Variants in CNNM2 observed in about 807,000 individuals in gnomAD.
CNNM2 encodes metal transporter CNNM2.
CNNM2 carries 12 observed loss-of-function variants against 66.9 expected under a neutral mutation model. That is an observed-to-expected ratio of 0.18 (90% CI 0.11 to 0.29). CNNM2 has a LOEUF of 0.29. Ranked by LOEUF, CNNM2 falls within the 10% of genes least tolerant of loss-of-function variation. The pLI, the probability that CNNM2 is intolerant of heterozygous loss-of-function variation, is 1.00. For missense variants in CNNM2, 705 were observed against 1,167.7 expected, an observed-to-expected ratio of 0.60 and a Z score of 5.77; for synonymous variants, 557 against 501.8, an observed-to-expected ratio of 1.11 and a Z score of -1.47.
chr10:103,017,515 G>A (rs1036226917), intron 1 of CNNM2, among the ~76,000 whole-genome samples: 14 of 152,208 alleles, frequency 9.2e-5, no homozygotes, highest in African/African-American at 3.4e-4. Flanking sequence ...GTCAGCAAAG[G>A]CCTTGTGAGG....
intron 1 of CNNM2, among the ~76,000 whole-genome samples, chr10:102,971,062 G>A (rs2063539238): frequency 6.6e-6 from 1 of 151,888 alleles, no homozygotes; most frequent in African/African-American, 2.4e-5. Context: ...AGCTGGTCCT[G>A]GTGGCACTTG....
intron 1 of CNNM2, among the ~76,000 whole-genome samples, chr10:102,924,690 G>C (rs1845787271): frequency 6.6e-6 from 1 of 151,152 alleles, no homozygotes; most frequent in South Asian, 2.1e-4. Flanking sequence ...GCCTGGTCTT[G>C]AACTCCTGGC....
intron 1 of CNNM2, among the ~76,000 whole-genome samples, chr10:102,926,000 C>T (rs1845846183): frequency 6.6e-6 from 1 of 151,946 alleles, no homozygotes; most frequent in Non-Finnish European, 1.5e-5. Context: ...GATTTGTTTT[C>T]TCATTGATTA....
At position 103,065,061 on chromosome 10, in the gene CNNM2, CCTGGGATCCTGT is replaced by C. The variant is rs1294049731; in HGVS notation, c.2074-3563_2074-3552del. 4.1e-4 allele frequency among the ~76,000 whole-genome samples: 62 copies of C among 152,242 alleles called. 2 individuals carry two copies. The East Asian group carries it at 7.1e-3, about 18-fold the overall frequency. The stretch of plus-strand genomic sequence containing the variant: ...AGGGAAGATGGCAGATCCTCCCCTG[CCTGGGATCCTGT>C]CTGGAAGGACAGAGGAAGCATCAGC... On this transcript the variant is annotated intron_variant, in intron 4 of 7. Coordinates refer to ENST00000369878, the MANE Select transcript of CNNM2 (RefSeq NM_017649.5).
intron 2 of CNNM2, 68 bp downstream of exon 2, chr10:103,049,918 T>A: frequency 2.0e-6 from 3 of 1,503,364 alleles, no homozygotes; most frequent in Non-Finnish European, 2.7e-6. Context: ...TTGTGAGTCT[T>A]CTGACGTTTC....
At chr10:102,951,397 A>G (rs1846827730) in intron 1 of CNNM2, among the ~76,000 whole-genome samples, 1 of 151,946 alleles carries the variant, frequency 6.6e-6, no homozygotes, top group Non-Finnish European at 1.5e-5. Flanking sequence ...GGGTTTCACC[A>G]TGTTGGCCAG....
chr10:102,983,320 T>C (rs990393012), intron 1 of CNNM2, among the ~76,000 whole-genome samples: 7 of 147,988 alleles, frequency 4.7e-5, no homozygotes, highest in Non-Finnish European at 1.0e-4. Flanking sequence ...CTAGCTGTCT[T>C]TAAAATATTT....
chr10:102,960,568 C>T (rs543424193), intron 1 of CNNM2, among the ~76,000 whole-genome samples: 52 of 152,116 alleles, frequency 3.4e-4, no homozygotes, highest in African/African-American at 1.2e-3. Context: ...TGAGATTACA[C>T]CGGGTTGTAA....
chr10:103,036,660 A>G (rs2064945721), intron 1 of CNNM2, among the ~76,000 whole-genome samples: 1 of 152,206 alleles, frequency 6.6e-6, no homozygotes, highest in Non-Finnish European at 1.5e-5. Context: ...TACCTCACCC[A>G]GGAAAGCATG....
chr10:103,046,342 A>G (rs1302153566), intron 1 of CNNM2, among the ~76,000 whole-genome samples: 1 of 152,126 alleles, frequency 6.6e-6, no homozygotes, highest in Non-Finnish European at 1.5e-5. Flanking sequence ...TCTTTAACCT[A>G]TTTATGCCTA....
chr10:102,919,704 C>T lies in CNNM2; in HGVS notation c.1224C>T (p.Val408=), dbSNP rs1316773757. 1 of 1,614,236 alleles carries T rather than the reference C, an allele frequency of 6.2e-7. No individual in the cohort carries two copies. Among genetic ancestry groups the T allele is most frequent in the East Asian group, 2.2e-5 (1 of 44,888 alleles). The stretch of plus-strand genomic sequence containing the variant: ...TCCTGGGCCAGGAGATAGGCACCGT[C>T]TATAACCGGGAAAAACTGCTGGAGA... ...DCVLGQEIGT[V]YNREKLLEML... is the part of the protein sequence containing the mutation. The change falls in exon 1 of 8, where the codon GTC becomes GTT. Residue 408 remains valine (V), a synonymous_variant. Transcript: ENST00000369878.
intron 1 of CNNM2, among the ~76,000 whole-genome samples, chr10:102,947,220 C>T (rs1178716759): frequency 6.6e-6 from 1 of 151,968 alleles, no homozygotes; most frequent in African/African-American, 2.4e-5. Context: ...TTATAGTTCC[C>T]TGGGTTTTAA....
intron 1 of CNNM2, among the ~76,000 whole-genome samples, chr10:102,976,091 A>C (rs560816972): frequency 1.6e-3 from 243 of 152,284 alleles, no homozygotes; most frequent in Non-Finnish European, 2.8e-3. Flanking sequence ...ATTGGTGTGT[A>C]TAAAGTCATT....
At chr10:102,928,891 T>G (rs561274639) in intron 1 of CNNM2, among the ~76,000 whole-genome samples, 14 of 152,226 alleles carry the variant, frequency 9.2e-5, no homozygotes, top group Non-Finnish European at 2.1e-4. Context: ...GGTCATTCTC[T>G]TGACTGGAGC....
At chr10:103,041,624 C>T (rs2065042075) in intron 1 of CNNM2, among the ~76,000 whole-genome samples, 1 of 152,190 alleles carries the variant, frequency 6.6e-6, no homozygotes, top group South Asian at 2.1e-4. Flanking sequence ...CACTGTGGCC[C>T]TCAGGCCCTT....
At chr10:102,947,777 C>T (rs751822235) in intron 1 of CNNM2, among the ~76,000 whole-genome samples, 5 of 151,836 alleles carry the variant, frequency 3.3e-5, no homozygotes, top group Admixed American at 6.6e-5. Context: ...ACAGGCCAGG[C>T]GCGGTGGCTC....
At chr10:102,954,307 T>C (rs1846955173) in intron 1 of CNNM2, among the ~76,000 whole-genome samples, 1 of 151,888 alleles carries the variant, frequency 6.6e-6, no homozygotes, top group African/African-American at 2.4e-5. Context: ...CTTTGTATTT[T>C]TGGGGTCTCA....
chr10:103,013,043 T>C (rs1181322937), intron 1 of CNNM2, among the ~76,000 whole-genome samples: 3 of 152,166 alleles, frequency 2.0e-5, no homozygotes, highest in Non-Finnish European at 4.4e-5. Context: ...TAAAATTGAA[T>C]AGGTAACATA....
rs66498944 is a variant in CNNM2, at chr10:102,976,611, A to ATTTTTTTTTTTTTTTTTT, written c.1621+56521_1621+56538dup. Among the ~76,000 whole-genome samples the ATTTTTTTTTTTTTTTTTT allele has an allele frequency of 2.0e-3, 116 of 59,436 alleles. 7 individuals carry two copies. The highest frequency in any genetic ancestry group is 2.7e-3 in the Non-Finnish European group (88 of 32,934). 39.0% of individuals were successfully genotyped at this position (59,436 alleles called of 152,430 possible). On this transcript the variant is annotated intron_variant, in intron 1 of 7. Coordinates refer to ENST00000369878, the MANE Select transcript of CNNM2 (RefSeq NM_017649.5). ...CAGGTGTGCGCCACACGCCCAGGTAATTTTTTTTTTTTTTTTTTTTTTTTT... is the reference window on the plus strand; with the variant it reads ...CAGGTGTGCGCCACACGCCCAGGTAATTTTTTTTTTTTTTTTTTTTTTTTTTTTTTTTTTTTTTTTTTT...
Sources: allele counts gnomAD v4.1 joint callset (sites outside exome capture counted in the v4.1 genomes callset), GRCh38; gene constraint gnomAD v4.1.1; transcripts MANE v1.5; gene names NCBI Gene and HGNC (gene_info 2026-07-23, HGNC 2026-07-21).